RORA: variants seen among roughly 807,000 people sequenced by gnomAD.
The protein encoded by RORA is RAR related orphan receptor A.
RORA carries 7 observed loss-of-function variants against 69.5 expected under a neutral mutation model. The observed-to-expected ratio is 0.10, with a 90% CI of 0.06 to 0.19. RORA has a LOEUF of 0.19. Among genes scored for constraint, RORA ranks in the 10% least tolerant of loss-of-function variants. The probability of loss-of-function intolerance (pLI) is 1.00; values close to 1 mark genes in which losing one functional copy is unlikely to be tolerated. For synonymous variants in RORA, 261 were observed against 240.8 expected (o/e 1.08, Z -0.78); for missense variants, 457 against 663.0 (o/e 0.69, Z 3.41).
chr15:60,505,907 G>A (rs1416483489), intron 5 of RORA, among the ~76,000 whole-genome samples: 1 of 152,048 alleles, frequency 6.6e-6, no homozygotes, highest in Non-Finnish European at 1.5e-5. Context: ...CAATGTCTAG[G>A]AATGAAAAAA....
chr15:61,127,691 T>G (rs1310504528), intron 1 of RORA, among the ~76,000 whole-genome samples: 1 of 152,196 alleles, frequency 6.6e-6, no homozygotes, highest in Non-Finnish European at 1.5e-5. Context: ...TTTCTTTAAT[T>G]TGACAGAACA....
At chr15:60,525,977 G>A (rs946918416) in intron 3 of RORA, among the ~76,000 whole-genome samples, 1 of 152,002 alleles carries the variant, frequency 6.6e-6, no homozygotes, top group Non-Finnish European at 1.5e-5. Context: ...AACATAAAGG[G>A]CATGCATGGA....
intron 1 of RORA, among the ~76,000 whole-genome samples, chr15:60,792,759 A>C (rs1052355134): frequency 3.9e-5 from 6 of 152,234 alleles, no homozygotes; most frequent in Admixed American, 3.9e-4. Context: ...ATCTGTACTA[A>C]AAGAACTGGA....
rs1341260498 is a variant in RORA, at chr15:60,514,598, C to T, written c.424+18G>A. Reference sequence around the variant, plus strand: ...CACAACCCCGTGCAACTGTACAACTCAAGCTGTGAGAGCTCACCATCTCGA... The same window carrying T: ...CACAACCCCGTGCAACTGTACAACTTAAGCTGTGAGAGCTCACCATCTCGA... On this transcript the variant is annotated intron_variant, in intron 4 of 10. Transcript: ENST00000335670. The T allele has an allele frequency of 3.7e-6, 6 of 1,613,224 alleles. No homozygotes were observed. Among genetic ancestry groups the T allele is most frequent in the Non-Finnish European group, 5.1e-6 (6 of 1,179,522 alleles).
intron 1 of RORA, among the ~76,000 whole-genome samples, chr15:61,156,265 AT>A (rs2079441540): frequency 6.6e-6 from 1 of 152,180 alleles, no homozygotes; most frequent in Non-Finnish European, 1.5e-5. Flanking sequence ...TCCTGTTGCC[AT>A]TTTAGTATGA....
At chr15:61,140,664 G>A (rs1250449263) in intron 1 of RORA, among the ~76,000 whole-genome samples, 2 of 152,032 alleles carry the variant, frequency 1.3e-5, no homozygotes, top group African/African-American at 4.8e-5. Flanking sequence ...TAGCAATGTG[G>A]AGATATGGAT....
chr15:60,708,761 G>A (rs2071103486), intron 1 of RORA, among the ~76,000 whole-genome samples: 1 of 152,190 alleles, frequency 6.6e-6, no homozygotes, highest in African/African-American at 2.4e-5. Flanking sequence ...TTGGTATTCA[G>A]TTAGAATTAT....
intron 1 of RORA, among the ~76,000 whole-genome samples, chr15:61,103,365 A>G (rs1319327585): frequency 1.3e-5 from 2 of 152,244 alleles, no homozygotes; most frequent in Admixed American, 6.5e-5. Context: ...CCAGGACCTC[A>G]TTGCTCCTAC....
chr15:60,900,957 T>C (rs1460283557), intron 1 of RORA, among the ~76,000 whole-genome samples: 1 of 152,172 alleles, frequency 6.6e-6, no homozygotes, highest in Non-Finnish European at 1.5e-5. Context: ...ACATGTAAAG[T>C]ATCTGCCCCT....
chr15:60,596,680 A>G (rs1461630506), intron 2 of RORA, among the ~76,000 whole-genome samples: 1 of 152,216 alleles, frequency 6.6e-6, no homozygotes, highest in South Asian at 2.1e-4. Flanking sequence ...GCCAACAGTA[A>G]GACAAGGAAC....
intron 1 of RORA, chr15:61,039,024 G>C (rs988921879): frequency 6.6e-6 from 1 of 152,202 alleles, no homozygotes; most frequent in African/African-American, 2.4e-5. Context: ...CCCCAAGCCT[G>C]TGGGAGACTC....
chr15:60,624,973 C>A (rs1336276448), intron 2 of RORA, among the ~76,000 whole-genome samples: 1 of 152,150 alleles, frequency 6.6e-6, no homozygotes, highest in Non-Finnish European at 1.5e-5. Flanking sequence ...TTCTGGAAAG[C>A]TTTAAAGACC....
intron 2 of RORA, among the ~76,000 whole-genome samples, chr15:60,637,717 T>C (rs1177781918): frequency 6.6e-6 from 1 of 152,194 alleles, no homozygotes; most frequent in Non-Finnish European, 1.5e-5. Flanking sequence ...TCTTTTTACA[T>C]ATGCGAGATT....
At chr15:60,676,112 TA>T (rs35553925) in intron 2 of RORA, among the ~76,000 whole-genome samples, 14 of 150,960 alleles carry the variant, frequency 9.3e-5, no homozygotes, top group African/African-American at 1.2e-4. Context: ...TTTAACATCT[TA>T]AAAAAAAACG....
chr15:60,965,424 T>C (rs1893527985), intron 1 of RORA, among the ~76,000 whole-genome samples: 1 of 152,200 alleles, frequency 6.6e-6, no homozygotes, highest in Non-Finnish European at 1.5e-5. Context: ...AATCCAAATG[T>C]AGAATTAGCA....
At chr15:61,115,616 C>T (rs569965182) in intron 1 of RORA, among the ~76,000 whole-genome samples, 4 of 152,142 alleles carry the variant, frequency 2.6e-5, no homozygotes, top group Non-Finnish European at 5.9e-5. Context: ...ACTGCCTTCC[C>T]GGAGAAGTAC....
chr15:60,649,240 G>GGAA (rs2070104513), intron 2 of RORA, among the ~76,000 whole-genome samples: 1 of 140,010 alleles, frequency 7.1e-6, no homozygotes, highest in Non-Finnish European at 1.6e-5. Flanking sequence ...GTTGCTTCCA[G>GGAA]GAAAAAAAAA....
chr15:61,124,227 C>T (rs574576885), intron 1 of RORA, among the ~76,000 whole-genome samples: 9 of 152,312 alleles, frequency 5.9e-5, no homozygotes, highest in South Asian at 4.1e-4. Flanking sequence ...TATCGGGGCT[C>T]AGGGATAATG....
intron 1 of RORA, among the ~76,000 whole-genome samples, chr15:61,133,362 T>A (rs542642551): frequency 2.0e-5 from 3 of 152,300 alleles, no homozygotes; most frequent in African/African-American, 4.8e-5. Context: ...CTTAAGGTAA[T>A]GATTGGAGTA....
Sources: allele counts gnomAD v4.1 joint callset (sites outside exome capture counted in the v4.1 genomes callset), GRCh38; gene constraint gnomAD v4.1.1; transcripts MANE v1.5; gene names NCBI Gene and HGNC (gene_info 2026-07-23, HGNC 2026-07-21).